Variants in TLCD4 observed in about 807,000 individuals in gnomAD.
The protein encoded by TLCD4 is TLC domain containing 4, also known as TLC domain-containing protein 4.
A neutral mutation model predicts 24.2 loss-of-function variants in TLCD4; 7 were observed. The ratio of observed to expected loss-of-function variants is 0.29; its 90% CI spans 0.16 to 0.54. The LOEUF is 0.54. TLCD4 is among the 20% of genes least tolerant of loss of function. TLCD4 has a pLI of 0.95. For synonymous variants in TLCD4, 103 were observed against 106.4 expected, an observed-to-expected ratio of 0.97 and a Z score of 0.20; for missense variants, 259 against 313.9, an observed-to-expected ratio of 0.82 and a Z score of 1.32.
At chr1:95,167,788 G>C (rs938249406) in intron 5 of TLCD4, among the ~76,000 whole-genome samples, 7 of 152,158 alleles carry the variant, frequency 4.6e-5, no homozygotes, top group Non-Finnish European at 1.0e-4. Context: ...CATCACAGCT[G>C]TAAATCATGT....
intron 6 of TLCD4, among the ~76,000 whole-genome samples, chr1:95,182,281 T>TC (rs1678673421): frequency 6.6e-6 from 1 of 152,058 alleles, no homozygotes; most frequent in Non-Finnish European, 1.5e-5. Flanking sequence ...GTTTTTTTTT[T>TC]CAAGTAAAAA....
Position 95,188,440 on chromosome 1 carries a change from C to T in TLCD4, c.474-3110C>T, listed in dbSNP as rs1678909598. 2.1e-5 allele frequency among the ~76,000 whole-genome samples: 3 copies of T among 145,592 alleles called. No homozygotes were observed. In the South Asian group the frequency reaches 6.7e-4, roughly 33 times the overall value. ...TAGTGGGAAACAGTTCAATACATTACACTATACACAGCCCACACTTGAGGA... is the reference window on the plus strand; with the variant it reads ...TAGTGGGAAACAGTTCAATACATTATACTATACACAGCCCACACTTGAGGA... On this transcript the variant is annotated intron_variant, in intron 6 of 6. Coordinates refer to ENST00000370203, the MANE Select transcript of TLCD4 (RefSeq NM_152487.3).
At chr1:95,137,590 C>G (rs1006622202) in intron 1 of TLCD4, among the ~76,000 whole-genome samples, 7 of 152,054 alleles carry the variant, frequency 4.6e-5, no homozygotes, top group African/African-American at 7.2e-5. Context: ...TAATCCTAAC[C>G]TCACCTACTA....
intron 6 of TLCD4, among the ~76,000 whole-genome samples, chr1:95,181,042 A>C (rs1678619293): frequency 6.6e-6 from 1 of 152,228 alleles, no homozygotes; most frequent in African/African-American, 2.4e-5. Context: ...GGTTGCAGTG[A>C]GCCGAGATCA....
chr1:95,191,754 G>A lies in TLCD4; in HGVS notation c.678G>A (p.Leu226=). The stretch of plus-strand genomic sequence containing the variant: ...CCTGGGTCATTAGTTGTGTTGTTTT[G>A]GATGTGATGAATGTCATGTGGATGA... ...QLSWVISCVV[L]DVMNVMWMIK... is the part of the protein sequence containing the mutation. Residue 226 remains leucine (L), a synonymous_variant, in exon 7 of 7, where the codon TTG becomes TTA. Transcript: ENST00000370203. The A allele has an allele frequency of 6.2e-7, 1 of 1,614,056 alleles. No individual in the cohort carries two copies. The highest frequency in any genetic ancestry group is 8.5e-7 in the Non-Finnish European group (1 of 1,179,990).
chr1:95,195,260 T>G lies in TLCD4; in HGVS notation c.*3392T>G, dbSNP rs1679159373. The G allele has an allele frequency of 6.6e-6, 1 of 152,204 alleles. No individual in the cohort carries two copies. The highest frequency in any genetic ancestry group is 1.5e-5 in the Non-Finnish European group (1 of 68,030). The allele number at this position is 152,204 out of a possible 1,614,324, so 9.4% of individuals were successfully genotyped here. A position where few individuals can be genotyped will look rare whatever the true frequency, so the allele number is the denominator to read the frequency against. On this transcript the variant is annotated 3_prime_UTR_variant, in exon 7 of 7. Transcript: ENST00000370203. ...GGTTTACTGTTGGTTGCACCATCTG[T>G]TATCAGGCATGCAGAAACATTTTTC...
chr1:95,103,077 C>G, the TLCD4 span, among the ~76,000 whole-genome samples: 1 of 152,060 alleles, frequency 6.6e-6, no homozygotes, highest in Non-Finnish European at 1.5e-5. Context: ...CTCCCAGGTT[C>G]AAGTGATTCT....
At chr1:95,092,606 G>A in the TLCD4 span, among the ~76,000 whole-genome samples, 6 of 152,144 alleles carry the variant, frequency 3.9e-5, no homozygotes, top group African/African-American at 7.2e-5. Context: ...AACACTCACC[G>A]CGAAGGTCTG....
At chr1:95,142,610 G>C (rs1677235029) in intron 1 of TLCD4, among the ~76,000 whole-genome samples, 1 of 152,100 alleles carries the variant, frequency 6.6e-6, no homozygotes, top group Non-Finnish European at 1.5e-5. Context: ...ACCTGCTACA[G>C]GTTTCCCATT....
chr1:95,153,820 T>A (rs910394168), intron 5 of TLCD4, among the ~76,000 whole-genome samples: 2 of 152,042 alleles, frequency 1.3e-5, no homozygotes, highest in African/African-American at 4.8e-5. Context: ...TATAAGGACA[T>A]GATGGCCTTG....
In TLCD4 at chr1:95,141,476, T is replaced by A. The variant is rs906712620; in HGVS notation, c.-11-2415T>A. On this transcript the variant is annotated intron_variant, in intron 1 of 6. Coordinates refer to ENST00000370203, the MANE Select transcript of TLCD4 (RefSeq NM_152487.3). ...GGGGAAACCTCCTCACATTTAAGAT[T>A]AGATTCTCCATTCTCTTCTGATTAC... Among the ~76,000 whole-genome samples the A allele has an allele frequency of 4.6e-5, 7 of 152,164 alleles. No homozygotes were observed. In the South Asian group the frequency reaches 1.2e-3, roughly 27 times the overall value.
rs762642472 is a variant in TLCD4, at chr1:95,191,592, T to C, written c.516T>C (p.Ala172=). The C allele has an allele frequency of 6.2e-7, 1 of 1,613,780 alleles. No individual in the cohort carries two copies. Among genetic ancestry groups the C allele is most frequent in the South Asian group, 1.1e-5 (1 of 90,850 alleles). The change falls in exon 7 of 7, where the codon GCT becomes GCC. Residue 172 remains alanine (A), a synonymous_variant. Transcript: ENST00000370203. ...EALKYPKFSK[A]IVINGILMTV... ...TGAAGTATCCCAAGTTTTCTAAAGC[T>C]ATCGTTATCAATGGAATACTCATGA...
chr1:95,123,761 T>G (rs931563921), intron 1 of TLCD4, among the ~76,000 whole-genome samples: 1 of 151,842 alleles, frequency 6.6e-6, no homozygotes, highest in Non-Finnish European at 1.5e-5. Context: ...TAAATGTCAA[T>G]AACATGTGAT....
At chr1:95,113,111 C>T (rs561147186), upstream of TLCD4, among the ~76,000 whole-genome samples, 4 of 150,704 alleles carry the variant, frequency 2.7e-5, no homozygotes, top group South Asian at 2.1e-4. Flanking sequence ...GGCGCGATCT[C>T]GGCTCACTGC....
chr1:95,110,307 T>C, the TLCD4 span, among the ~76,000 whole-genome samples: 1 of 152,128 alleles, frequency 6.6e-6, no homozygotes, highest in Middle Eastern at 3.4e-3. Context: ...TTTGTCCTGT[T>C]GACCTGAGCA....
rs914595204 is a variant in TLCD4, at chr1:95,196,346, T to C, written c.*4478T>C. On this transcript the variant is annotated 3_prime_UTR_variant, in exon 7 of 7. Transcript: ENST00000370203. The stretch of plus-strand genomic sequence containing the variant: ...GATGCTGGCTTGTGCCAAAATTATT[T>C]TAGAGTCCTGCTCTTTAGGGAAAAC... 3 of 152,176 alleles carry C rather than the reference T, an allele frequency of 2.0e-5. No homozygotes were observed. The highest frequency in any genetic ancestry group is 7.2e-5 in the African/African-American group (3 of 41,450). 9.4% of individuals were successfully genotyped at this position (152,176 alleles called of 1,614,324 possible). A position where few individuals can be genotyped will look rare whatever the true frequency, so the allele number is the denominator to read the frequency against.
intron 1 of TLCD4, among the ~76,000 whole-genome samples, chr1:95,122,409 C>G (rs1557676338): frequency 6.6e-6 from 1 of 152,172 alleles, no homozygotes; most frequent in African/African-American, 2.4e-5. Flanking sequence ...AGAGTTCACC[C>G]CAGCACGTTG....
Position 95,148,753 on chromosome 1 carries a change from T to G in TLCD4, c.207T>G (p.Ile69Met). 6.2e-7 allele frequency: 1 copy of G among 1,613,836 alleles called. No homozygotes were observed. The highest frequency in any genetic ancestry group is 1.1e-5 in the South Asian group (1 of 91,072). ...SLVVGIFGLY[I>M]FLFDEATKAD... ...TGGTTGGTATTTTTGGCCTGTACAT[T>G]TTCTTATTCGATGAGGCTACTAAAG... The change falls in exon 3 of 7, where the codon ATT becomes ATG. Residue 69 changes from isoleucine to methionine, a missense_variant. Physicochemically the swap from Ile to Met is conservative, Grantham distance 10. Coordinates refer to ENST00000370203, the MANE Select transcript of TLCD4 (RefSeq NM_152487.3).
At chr1:95,109,952 TATATATAC>T in the TLCD4 span, among the ~76,000 whole-genome samples, 3 of 70,698 alleles carry the variant, frequency 4.2e-5, no homozygotes, top group East Asian at 7.3e-4. Context: ...TATATATATA[TATATATAC>T]ACACACACAA....
Sources: gnomAD v4.1 joint callset for allele counts (sites outside exome capture counted in the v4.1 genomes callset) on GRCh38, gnomAD v4.1.1 for gene constraint, MANE v1.5 for transcripts, NCBI Gene and HGNC (gene_info 2026-07-23, HGNC 2026-07-21) for gene names.